SV2C: variants seen among roughly 807,000 people sequenced by gnomAD.
The protein encoded by SV2C is synaptic vesicle glycoprotein 2C.
Under a neutral mutation model 79.7 loss-of-function variants are expected in SV2C, and 49 were observed. That is an observed-to-expected ratio of 0.61 (90% CI 0.49 to 0.78). SV2C has a LOEUF of 0.78. SV2C is among the 30% of genes least tolerant of loss of function. The probability of loss-of-function intolerance (pLI) is 0.00; values close to 1 mark genes in which losing one functional copy is unlikely to be tolerated. For missense variants in SV2C, 833 were observed against 912.9 expected, an observed-to-expected ratio of 0.91 and a Z score of 1.13; for synonymous variants, 334 against 333.2, an observed-to-expected ratio of 1.00 and a Z score of -0.03.
intron 4 of SV2C, among the ~76,000 whole-genome samples, chr5:76,269,159 G>A (rs1442746939): frequency 1.3e-5 from 2 of 151,288 alleles, no homozygotes; most frequent in African/African-American, 2.5e-5. Flanking sequence ...TGTATTATAA[G>A]ATGTTTAGTA....
intron 4 of SV2C, among the ~76,000 whole-genome samples, chr5:76,246,037 C>G (rs1745939272): frequency 6.6e-6 from 1 of 151,450 alleles, no homozygotes. Flanking sequence ...TTCTGAAGGA[C>G]ATATATTTAT....
the SV2C span, among the ~76,000 whole-genome samples, chr5:75,906,808 AG>A: frequency 1.3e-5 from 2 of 152,122 alleles, no homozygotes; most frequent in African/African-American, 4.8e-5. Flanking sequence ...GTTCCTAACT[AG>A]GGTTAATTTT....
chr5:75,983,007 A>G, the SV2C span, among the ~76,000 whole-genome samples: 2 of 152,170 alleles, frequency 1.3e-5, no homozygotes, highest in Non-Finnish European at 2.9e-5. Context: ...TAGGAAAAAT[A>G]ACCAATGGGT....
chr5:75,900,719 C>T, the SV2C span, among the ~76,000 whole-genome samples: 14 of 152,336 alleles, frequency 9.2e-5, no homozygotes, highest in East Asian at 1.4e-3. Context: ...TCTGATTGTA[C>T]ACCAATCAGA....
At chr5:75,957,604 T>G in the SV2C span, among the ~76,000 whole-genome samples, 1 of 152,060 alleles carries the variant, frequency 6.6e-6, no homozygotes, top group Non-Finnish European at 1.5e-5. Flanking sequence ...ATCCAAACTT[T>G]CTTTGATCAG....
the SV2C span, among the ~76,000 whole-genome samples, chr5:76,027,990 G>A: frequency 3.1e-4 from 47 of 152,280 alleles, no homozygotes; most frequent in African/African-American, 1.1e-3. Context: ...CTGAATACTT[G>A]AGGGGATCCC....
chr5:75,933,645 T>TGACACAGG, the SV2C span, among the ~76,000 whole-genome samples: 1 of 152,212 alleles, frequency 6.6e-6, no homozygotes. Context: ...CTGGAAGTTT[T>TGACACAGG]GACACAGGCA....
At chr5:76,319,285 A>G (rs906500941) in intron 12 of SV2C, among the ~76,000 whole-genome samples, 1 of 151,640 alleles carries the variant, frequency 6.6e-6, no homozygotes, top group African/African-American at 2.4e-5. Flanking sequence ...CGTGTGCGGC[A>G]GTGCAAGCTT....
the SV2C span, among the ~76,000 whole-genome samples, chr5:76,068,247 A>G: frequency 6.6e-6 from 1 of 152,158 alleles, no homozygotes; most frequent in African/African-American, 2.4e-5. Flanking sequence ...ATTTCTAAAG[A>G]GTCAGGAGTG....
At chr5:75,956,290 G>T in the SV2C span, among the ~76,000 whole-genome samples, 32,056 of 142,838 alleles carry the variant, frequency 0.22, 4,722 homozygotes, top group Non-Finnish European at 0.35. Flanking sequence ...GTAAACTATC[G>T]CAAGAACAAA....
chr5:76,017,972 A>C, the SV2C span, among the ~76,000 whole-genome samples: 3 of 152,132 alleles, frequency 2.0e-5, no homozygotes, highest in Non-Finnish European at 4.4e-5. Context: ...GGCATGAGGC[A>C]TCCATTTTGC....
chr5:76,254,232 G>A (rs57006478), intron 4 of SV2C, among the ~76,000 whole-genome samples: 6 of 48,578 alleles, frequency 1.2e-4, no homozygotes, highest in Non-Finnish European at 2.0e-4. Context: ...GTATATATAT[G>A]TGTGTGTGTA....
chr5:76,093,009 C>T (rs258622), intron 1 of SV2C, among the ~76,000 whole-genome samples: 27,762 of 152,086 alleles, frequency 0.18, 3,169 homozygotes, highest in South Asian at 0.34. Flanking sequence ...TTTGTAACTC[C>T]TGGCACTGGA....
At chr5:76,258,074 G>A (rs1746346531) in intron 4 of SV2C, among the ~76,000 whole-genome samples, 1 of 149,262 alleles carries the variant, frequency 6.7e-6, no homozygotes. Flanking sequence ...ATGTAGTATG[G>A]GGGGTGTGGT....
intron 2 of SV2C, among the ~76,000 whole-genome samples, chr5:76,148,028 G>A (rs550847147): frequency 1.3e-5 from 2 of 152,108 alleles, no homozygotes; most frequent in South Asian, 4.1e-4. Flanking sequence ...TATGGTTTAG[G>A]ATGCTAAATA....
chr5:75,856,550 T>G, the SV2C span, among the ~76,000 whole-genome samples: 24 of 152,220 alleles, frequency 1.6e-4, no homozygotes, highest in African/African-American at 5.3e-4. Context: ...TCCATGATGT[T>G]GAGCAGCTTT....
At chr5:76,156,342 A>G (rs1319177873) in intron 2 of SV2C, among the ~76,000 whole-genome samples, 3 of 152,166 alleles carry the variant, frequency 2.0e-5, no homozygotes, top group Non-Finnish European at 4.4e-5. Flanking sequence ...TATGGGGGGA[A>G]GGAAACAGAC....
chr5:76,316,268 A>C (rs569077633), intron 12 of SV2C, among the ~76,000 whole-genome samples: 1 of 152,202 alleles, frequency 6.6e-6, no homozygotes. Context: ...TCCTTTGTAT[A>C]TGAAACCCAC....
chr5:75,867,775 T>C, the SV2C span, among the ~76,000 whole-genome samples: 1 of 152,214 alleles, frequency 6.6e-6, no homozygotes, highest in East Asian at 1.9e-4. Flanking sequence ...ACTTCTCATC[T>C]TGGGAGATCT....
Sources: gnomAD v4.1 joint callset for allele counts (sites outside exome capture counted in the v4.1 genomes callset) on GRCh38, gnomAD v4.1.1 for gene constraint, MANE v1.5 for transcripts, NCBI Gene and HGNC (gene_info 2026-07-23, HGNC 2026-07-21) for gene names.